Variants in BCAR3 observed in about 807,000 individuals in gnomAD.
BCAR3 encodes the protein breast cancer anti-estrogen resistance protein 3.
A neutral mutation model predicts 80.1 loss-of-function variants in BCAR3; 37 were observed. That is an observed-to-expected ratio of 0.46 (90% CI 0.36 to 0.61). BCAR3 has a LOEUF of 0.61. Among genes scored for constraint, BCAR3 ranks in the 20% least tolerant of loss-of-function variants. The pLI is 0.00. For missense variants in BCAR3, 978 were observed against 1,068.2 expected, an observed-to-expected ratio of 0.92 and a Z score of 1.18; for synonymous variants, 389 against 418.9, an observed-to-expected ratio of 0.93 and a Z score of 0.87.
chr1:93,674,279 G>C (rs933528432), intron 2 of BCAR3, among the ~76,000 whole-genome samples: 2 of 152,046 alleles, frequency 1.3e-5, no homozygotes, highest in Non-Finnish European at 2.9e-5. Flanking sequence ...TAAAAACTTC[G>C]GAGTCTCACT....
At chr1:93,805,963 C>T (rs1653640958) in intron 2 of BCAR3, among the ~76,000 whole-genome samples, 1 of 151,592 alleles carries the variant, frequency 6.6e-6, no homozygotes, top group Non-Finnish European at 1.5e-5. Context: ...AATATGGTTT[C>T]CAAAATAACA....
At position 93,592,528 on chromosome 1, in the gene BCAR3, G is replaced by T; in HGVS notation, c.358-135C>A. The stretch of plus-strand genomic sequence containing the variant: ...ATTCAGGTAGGGGAGCCTGGATAAT[G>T]ATTACAAAGAGCTGTGACCTTTCGT... On this transcript the variant is annotated intron_variant, in intron 3 of 11. Transcript: ENST00000260502. The surrounding 1 kb of genome is among the most constrained non-coding windows in gnomAD (Gnocchi z 4.8). The T allele has an allele frequency of 8.2e-7, 1 of 1,225,102 alleles. No individual in the cohort carries two copies. The highest frequency in any genetic ancestry group is 1.1e-6 in the Non-Finnish European group (1 of 897,116). The allele number at this position is 1,225,102 out of a possible 1,614,324, so 75.9% of individuals were successfully genotyped here.
chr1:93,763,299 C>T (rs1417491082), intron 2 of BCAR3, among the ~76,000 whole-genome samples: 3 of 152,138 alleles, frequency 2.0e-5, no homozygotes, highest in South Asian at 2.1e-4. Context: ...GCTTGCCTCA[C>T]GTGATCCTCC....
chr1:93,826,935 G>A (rs893813144), intron 2 of BCAR3, among the ~76,000 whole-genome samples: 2 of 152,150 alleles, frequency 1.3e-5, no homozygotes, highest in Non-Finnish European at 2.9e-5. Context: ...ATATGACAGG[G>A]AGGAGTCATC....
At chr1:93,832,894 C>T (rs1304561177) in intron 2 of BCAR3, among the ~76,000 whole-genome samples, 1 of 152,118 alleles carries the variant, frequency 6.6e-6, no homozygotes, top group East Asian at 1.9e-4. Context: ...ACCTTTTCCC[C>T]CAGTTCAAAG....
chr1:93,651,329 T>A (rs1286367170), intron 2 of BCAR3, among the ~76,000 whole-genome samples: 1 of 152,204 alleles, frequency 6.6e-6, no homozygotes, highest in Non-Finnish European at 1.5e-5. Flanking sequence ...GAAAATGGGA[T>A]GAACTGCCTT....
At chr1:93,656,980 A>G (rs1356960263) in intron 2 of BCAR3, among the ~76,000 whole-genome samples, 1 of 152,162 alleles carries the variant, frequency 6.6e-6, no homozygotes, top group Non-Finnish European at 1.5e-5. Context: ...GGGAATTTAC[A>G]TTCAGCCAAA....
rs770584562 is a variant in BCAR3, at chr1:93,674,788, T to C, written c.143A>G (p.His48Arg). 6 of 1,611,722 alleles carry C rather than the reference T, an allele frequency of 3.7e-6. No homozygotes were observed. Among genetic ancestry groups the C allele is most frequent in the Admixed American group, 1.7e-5 (1 of 59,324 alleles). The change falls in exon 2 of 12, where the codon CAT becomes CGT. Residue 48 changes from histidine (H) to arginine (R), a missense_variant. By Grantham distance (29) the His-to-Arg change is conservative. Coordinates refer to ENST00000260502, the MANE Select transcript of BCAR3 (RefSeq NM_003567.4). ...TTTTTTCTTCCGTGGAAGGGTGCCA[T>C]GTATAGACACATCTTGATAGGCATC... ...RPDAYQDVSI[H>R]GTLPRKKKGP...
chr1:93,744,776 A>G (rs1651296736), intron 2 of BCAR3, among the ~76,000 whole-genome samples: 3 of 152,208 alleles, frequency 2.0e-5, no homozygotes, highest in South Asian at 4.1e-4. Context: ...ATTAAACAGG[A>G]TTCTCAGTCA....
At chr1:93,607,913 C>T (rs548847357) in intron 3 of BCAR3, among the ~76,000 whole-genome samples, 10 of 152,304 alleles carry the variant, frequency 6.6e-5, no homozygotes, top group East Asian at 1.9e-4. Flanking sequence ...AGAGCTCCTT[C>T]GGGCGGAATG....
intron 2 of BCAR3, among the ~76,000 whole-genome samples, chr1:93,835,033 C>T (rs540202716): frequency 1.1e-5 from 1 of 93,512 alleles, no homozygotes; most frequent in Admixed American, 1.0e-4. Context: ...ATAGTATCTT[C>T]CACATCTATC....
intron 5 of BCAR3, among the ~76,000 whole-genome samples, chr1:93,584,491 G>T (rs1392830100): frequency 6.6e-6 from 1 of 152,206 alleles, no homozygotes; most frequent in Admixed American, 6.5e-5. Context: ...ATTACTTACA[G>T]GCCCAGAGGG....
At chr1:93,672,741 AC>A (rs1648273878) in intron 2 of BCAR3, among the ~76,000 whole-genome samples, 1 of 151,990 alleles carries the variant, frequency 6.6e-6, no homozygotes, top group Non-Finnish European at 1.5e-5. Flanking sequence ...GGGCCTTCTA[AC>A]CCCCAGGATA....
intron 3 of BCAR3, among the ~76,000 whole-genome samples, chr1:93,620,024 T>C (rs532749687): frequency 3.3e-5 from 5 of 152,194 alleles, no homozygotes; most frequent in Admixed American, 6.5e-5. Context: ...CAACACATAG[T>C]AGGCACTCTA....
At chr1:93,594,574 A>G (rs1674348570) in intron 3 of BCAR3, 1 of 152,312 alleles carries the variant, frequency 6.6e-6, no homozygotes, top group Non-Finnish European at 1.5e-5. Context: ...TAGGTGATCT[A>G]CCTTATGGAA....
At chr1:93,625,155 G>A (rs933394141) in intron 3 of BCAR3, among the ~76,000 whole-genome samples, 6 of 152,182 alleles carry the variant, frequency 3.9e-5, no homozygotes, top group Admixed American at 6.5e-5. Context: ...AGCTTGCAAT[G>A]AGCCAAGATT....
chr1:93,751,539 G>C (rs796433438), intron 2 of BCAR3, among the ~76,000 whole-genome samples: 22 of 152,298 alleles, frequency 1.4e-4, no homozygotes, highest in African/African-American at 5.1e-4. Flanking sequence ...GGCTCAAACA[G>C]CCATGTAACT....
chr1:93,817,718 A>G (rs1401320051), intron 2 of BCAR3, among the ~76,000 whole-genome samples: 1 of 152,200 alleles, frequency 6.6e-6, no homozygotes, highest in Non-Finnish European at 1.5e-5. Flanking sequence ...GCTCAAGGTG[A>G]CATCCATGCA....
rs901042115 is a variant in BCAR3 at position 93,586,128 on chromosome 1, A to G, written c.930-2007T>C. On this transcript the variant is annotated intron_variant, in intron 5 of 11. Coordinates refer to ENST00000260502, the MANE Select transcript of BCAR3 (RefSeq NM_003567.4). This position sits in a 1 kb window ranked among gnomAD's most constrained non-coding sequence, Gnocchi z 4.2. ...TACAGTCACCCTATTGTGTTATCAA[A>G]TAAGTCTTATTCATTCTTTCTAAAT... is the stretch of plus-strand genomic sequence containing the variant. Among the ~76,000 whole-genome samples, 7 of 152,066 alleles carry G rather than the reference A, an allele frequency of 4.6e-5. No homozygotes were observed. The highest frequency in any genetic ancestry group is 7.4e-5 in the Non-Finnish European group (5 of 68,008).
Sources: gnomAD v4.1 joint callset for allele counts (sites outside exome capture counted in the v4.1 genomes callset) on GRCh38, gnomAD v4.1.1 for gene constraint, Gnocchi (gnomAD v3.1) non-coding constraint, MANE v1.5 for transcripts, NCBI Gene and HGNC (gene_info 2026-07-23, HGNC 2026-07-21) for gene names.